The following TANC2 variants were observed in gnomAD, a reference collection of about 807,000 sequenced individuals.
The protein encoded by TANC2 is protein TANC2.
A neutral mutation model predicts 210.5 loss-of-function variants in TANC2; 26 were observed. The observed-to-expected ratio is 0.12, with a 90% confidence interval of 0.09 to 0.17. The LOEUF (loss-of-function observed/expected upper bound fraction) is 0.17, where lower values mean the gene tolerates loss of function less well. TANC2 is among the 10% of genes least tolerant of loss of function. The pLI, the probability that TANC2 is intolerant of heterozygous loss-of-function variation, is 1.00. For synonymous variants in TANC2, 931 were observed against 967.1 expected (o/e 0.96, Z 0.69); for missense variants, 2,129 against 2,608.9 (o/e 0.82, Z 4.01).
chr17:63,139,120 A>G (rs548393782), intron 4 of TANC2, among the ~76,000 whole-genome samples: 6 of 152,366 alleles, frequency 3.9e-5, no homozygotes, highest in South Asian at 2.1e-4. Flanking sequence ...ATGTCTGTTC[A>G]TATGAGAAGT....
intron 15 of TANC2, among the ~76,000 whole-genome samples, chr17:63,386,849 G>A (rs1420889153): frequency 6.6e-6 from 1 of 151,724 alleles, no homozygotes; most frequent in East Asian, 1.9e-4. Flanking sequence ...TTTTTTGGTG[G>A]TTGTTGTTTT....
intron 1 of TANC2, among the ~76,000 whole-genome samples, chr17:62,999,253 C>T (rs2033260193): frequency 6.6e-6 from 1 of 152,204 alleles, no homozygotes; most frequent in Non-Finnish European, 1.5e-5. Context: ...TGTGGCTGCT[C>T]CTGCTTCACC....
chr17:63,358,379 A>ATGTGTGTGTG (rs375498280), intron 14 of TANC2, among the ~76,000 whole-genome samples: 9,038 of 139,370 alleles, frequency 0.065, 308 homozygotes, highest in Non-Finnish European at 0.075. Context: ...GAGAGAGAGT[A>ATGTGTGTGTG]TGTGTGTGTG....
At chr17:63,304,195 A>G (rs1190698218) in intron 9 of TANC2, among the ~76,000 whole-genome samples, 1 of 151,900 alleles carries the variant, frequency 6.6e-6, no homozygotes, top group Non-Finnish European at 1.5e-5. Flanking sequence ...AGCATTTATC[A>G]TTGATTCTTT....
chr17:62,976,683 G>A (rs576231683), intron 1 of TANC2, among the ~76,000 whole-genome samples: 44 of 152,072 alleles, frequency 2.9e-4, no homozygotes, highest in African/African-American at 4.3e-4. Flanking sequence ...TCAAAGATCC[G>A]TGCTAACATT....
chr17:63,060,890 TTTA>T (rs1461537183), intron 2 of TANC2, among the ~76,000 whole-genome samples: 1 of 152,130 alleles, frequency 6.6e-6, no homozygotes, highest in Non-Finnish European at 1.5e-5. Context: ...CTTTTTCCAT[TTTA>T]TTCTGTTTCT....
Position 63,412,034 on chromosome 17 carries a change from C to A in TANC2, c.3802C>A (p.His1268Asn). ...GGTAGATCATGGGGCCATGATCGAG[C>A]ACGTTGACTACAGTGGAATGCGCCC... Residue 1268 changes from histidine (H) to asparagine (N), a missense_variant, in exon 23 of 28, where the codon CAC (histidine) becomes AAC (asparagine). By Grantham distance (68) the His-to-Asn change is moderately conservative. Around this residue, in one of 5 missense-constraint regions of TANC2, gnomAD observed 644 missense variants for 937.5 expected, o/e 0.69. Coordinates refer to ENST00000689528, the Ensembl canonical transcript of TANC2. This position sits in a 1 kb window ranked among gnomAD's most constrained non-coding sequence, Gnocchi z 4.2. The A allele has an allele frequency of 6.2e-7, 1 of 1,613,820 alleles. No homozygotes were observed. Among genetic ancestry groups the A allele is most frequent in the East Asian group, 2.2e-5 (1 of 44,836 alleles).
At position 63,421,283 on chromosome 17, in the gene TANC2, A is replaced by G; in HGVS notation, c.5553A>G (p.Pro1851=). The stretch of plus-strand genomic sequence containing the variant: ...CTAACGAAATCAAACCGCACCCGCC[A>G]ACTCCCAGGCCGTTGCTGCATTCCC... The change falls in exon 28 of 28, where the codon CCA becomes CCG. Residue 1851 remains proline, a synonymous_variant. Transcript: ENST00000689528. This position sits in a 1 kb window ranked among gnomAD's most constrained non-coding sequence, Gnocchi z 6.9. 6.2e-7 allele frequency: 1 copy of G among 1,614,018 alleles called. No individual in the cohort carries two copies. Among genetic ancestry groups the G allele is most frequent in the Non-Finnish European group, 8.5e-7 (1 of 1,179,890 alleles).
chr17:62,996,994 T>TTTTTTTTTTTTTTTTTTTTTTTTTTTG (rs2033144497), intron 1 of TANC2, among the ~76,000 whole-genome samples: 2 of 143,654 alleles, frequency 1.4e-5, no homozygotes, highest in Non-Finnish European at 1.5e-5. Context: ...TTTGTATTTT[T>TTTTTTTTTTTTTTTTTTTTTTTTTTTG]AGTATAGATG....
intron 4 of TANC2, among the ~76,000 whole-genome samples, chr17:63,123,432 G>T (rs1024334583): frequency 4.6e-5 from 7 of 151,684 alleles, no homozygotes; most frequent in Admixed American, 4.6e-4. Flanking sequence ...GATGGCTGGC[G>T]CCTGTGGTCC....
intron 2 of TANC2, among the ~76,000 whole-genome samples, chr17:63,055,990 AAT>A (rs57112801): frequency 0.044 from 444 of 10,074 alleles, 19 homozygotes; most frequent in Non-Finnish European, 0.077. Flanking sequence ...AAAAAAAAAA[AAT>A]ATATATATAT....
At chr17:62,973,724 A>G (rs544115974) in intron 1 of TANC2, among the ~76,000 whole-genome samples, 11 of 152,356 alleles carry the variant, frequency 7.2e-5, no homozygotes, top group South Asian at 4.1e-4. Flanking sequence ...TCTTTGTACA[A>G]TGCAAGAGTT....
At chr17:63,277,782 A>C (rs1598758215) in intron 9 of TANC2, among the ~76,000 whole-genome samples, 2 of 150,628 alleles carry the variant, frequency 1.3e-5, no homozygotes, top group East Asian at 1.9e-4. Context: ...ATGCTTAATG[A>C]ATTTTATTAA....
chr17:63,057,919 A>C (rs865981150), intron 2 of TANC2, among the ~76,000 whole-genome samples: 3 of 152,040 alleles, frequency 2.0e-5, no homozygotes, highest in South Asian at 2.1e-4. Context: ...CTTATGGTAG[A>C]ACAGTTTTGT....
At chr17:63,224,226 C>G (rs767928564) in intron 7 of TANC2, among the ~76,000 whole-genome samples, 7 of 151,620 alleles carry the variant, frequency 4.6e-5, no homozygotes, top group African/African-American at 1.5e-4. Context: ...TCAAAGCACC[C>G]TGGTTGCTCT....
chr17:63,112,487 T>C (rs998680013), intron 4 of TANC2, among the ~76,000 whole-genome samples: 1 of 152,168 alleles, frequency 6.6e-6, no homozygotes, highest in Non-Finnish European at 1.5e-5. Flanking sequence ...GGAATGTCTG[T>C]AATGTGGCAG....
intron 1 of TANC2, among the ~76,000 whole-genome samples, chr17:62,998,397 C>A (rs935172739): frequency 5.3e-5 from 8 of 152,066 alleles, no homozygotes. Flanking sequence ...GGGCAACATT[C>A]AAATCAGGAA....
intron 2 of TANC2, among the ~76,000 whole-genome samples, chr17:63,021,251 T>C (rs1394094495): frequency 6.6e-6 from 1 of 152,204 alleles, no homozygotes; most frequent in African/African-American, 2.4e-5. Flanking sequence ...GAAAAATATA[T>C]TTTTTCTTCC....
intron 9 of TANC2, among the ~76,000 whole-genome samples, chr17:63,269,410 G>T (rs528126228): frequency 1.3e-5 from 2 of 152,020 alleles, no homozygotes; most frequent in Admixed American, 6.6e-5. Flanking sequence ...ATTGATTTGC[G>T]CCCCGACCAG....
Sources: allele counts gnomAD v4.1 joint callset (sites outside exome capture counted in the v4.1 genomes callset), GRCh38; gene constraint gnomAD v4.1.1; regional missense constraint gnomAD v4.1.1; non-coding constraint Gnocchi (gnomAD v3.1); transcripts MANE v1.5; gene names NCBI Gene and HGNC (gene_info 2026-07-23, HGNC 2026-07-21).